The following SORT1 variants were observed in gnomAD, a reference collection of about 807,000 sequenced individuals.
SORT1 encodes the protein sortilin.
In SORT1, 39 loss-of-function variants were observed where a neutral mutation model predicts 101.7. The observed-to-expected ratio is 0.38, with a 90% CI of 0.30 to 0.50. The LOEUF is 0.50. SORT1 is among the 20% of genes least tolerant of loss of function. The pLI is 0.90. For missense variants in SORT1, 878 were observed against 1,040.4 expected (o/e 0.84, Z 2.15); for synonymous variants, 396 against 393.7 (o/e 1.01, Z -0.07).
intron 1 of SORT1, chr1:109,393,439 T>G: frequency 9.1e-6 from 3 of 330,454 alleles, no homozygotes; most frequent in Non-Finnish European, 1.3e-5. Context: ...ACCACAACTC[T>G]GGCCAAGGCA....
chr1:109,347,541 A>G lies in SORT1; in HGVS notation c.783-9T>C, dbSNP rs1161956232. On this transcript the variant is annotated splice_polypyrimidine_tract_variant and intron_variant, in intron 6 of 19. Coordinates refer to ENST00000256637, the MANE Select transcript of SORT1 (RefSeq NM_002959.7). Reference sequence around the variant, plus strand: ...TGGTGTTGTCTGATCCCCTACAATGAGGCAAAAACAGGGAAAAGAAATGGT... The same window carrying G: ...TGGTGTTGTCTGATCCCCTACAATGGGGCAAAAACAGGGAAAAGAAATGGT... 6.3e-7 allele frequency: 1 copy of G among 1,598,332 alleles called. No homozygotes were observed. Among genetic ancestry groups the G allele is most frequent in the South Asian group, 1.1e-5 (1 of 90,772 alleles).
intron 3 of SORT1, among the ~76,000 whole-genome samples, chr1:109,357,029 C>T (rs1180483904): frequency 1.3e-5 from 2 of 152,174 alleles, no homozygotes; most frequent in African/African-American, 4.8e-5. Flanking sequence ...GTTTTGGTTA[C>T]CAATGGACTG....
chr1:109,346,314 TA>T (rs56298313), intron 7 of SORT1, among the ~76,000 whole-genome samples: 7,819 of 86,610 alleles, frequency 0.09, 197 homozygotes, highest in Non-Finnish European at 0.1. Context: ...CTCCGTCTCA[TA>T]AAAAAAAAAA....
intron 15 of SORT1, among the ~76,000 whole-genome samples, chr1:109,318,459 C>T (rs1647395227): frequency 6.6e-6 from 1 of 151,888 alleles, no homozygotes; most frequent in South Asian, 2.1e-4. Flanking sequence ...CAGAGAGGGC[C>T]TTATTAAGGA....
intron 8 of SORT1, 117 bp downstream of exon 8, chr1:109,345,634 T>C: frequency 3.2e-6 from 3 of 945,732 alleles, no homozygotes; most frequent in Non-Finnish European, 4.8e-6. Flanking sequence ...ACACTCACAG[T>C]GGTACTAAAT....
rs1658793102 is a variant in SORT1 at position 109,312,552 on chromosome 1, A to C, written c.*1491T>G. On this transcript the variant is annotated 3_prime_UTR_variant, in exon 20 of 20. Coordinates refer to ENST00000256637, the MANE Select transcript of SORT1 (RefSeq NM_002959.7). ...AACACACAAAACTGACTTTCTAGCC[A>C]CAAAATAAACTAGTAGCAAATGGTA... 6.6e-6 allele frequency: 1 copy of C among 152,256 alleles called. No homozygotes were observed. The highest frequency in any genetic ancestry group is 1.5e-5 in the Non-Finnish European group (1 of 67,950). 9.4% of individuals were successfully genotyped at this position (152,256 alleles called of 1,614,324 possible).
intron 15 of SORT1, among the ~76,000 whole-genome samples, chr1:109,321,121 T>G (rs1647599058): frequency 6.6e-6 from 1 of 152,302 alleles, no homozygotes; most frequent in South Asian, 2.1e-4. Context: ...TCAATAAATG[T>G]TAGCTGCTAT....
intron 5 of SORT1, among the ~76,000 whole-genome samples, chr1:109,352,991 T>G (rs940230995): frequency 2.7e-5 from 4 of 150,780 alleles, no homozygotes; most frequent in African/African-American, 7.3e-5. Context: ...TGAAGCTTAC[T>G]CCCCAGCAAG....
At chr1:109,328,999 G>T (rs1648268943) in intron 11 of SORT1, among the ~76,000 whole-genome samples, 1 of 152,064 alleles carries the variant, frequency 6.6e-6, no homozygotes, top group Admixed American at 6.6e-5. Context: ...CACCCTAGTG[G>T]ATTCCACTGC....
intron 11 of SORT1, among the ~76,000 whole-genome samples, chr1:109,330,786 A>T (rs542865032): frequency 1.3e-5 from 2 of 152,262 alleles, no homozygotes; most frequent in South Asian, 4.1e-4. Context: ...GAGACATTAT[A>T]ACTTATACTA....
chr1:109,320,741 A>G (rs1482094351), intron 15 of SORT1, among the ~76,000 whole-genome samples: 1 of 152,118 alleles, frequency 6.6e-6, no homozygotes, highest in East Asian at 1.9e-4. Flanking sequence ...ATCACTTTTC[A>G]TTACCTGCGC....
Position 109,324,879 on chromosome 1 carries a change from A to AG in SORT1, c.1834+19dup, listed in dbSNP as rs1300045749. ...TGGACTTGGAAGTTTCTGGTAGAAA[A>AG]GGTCAAAGGAGACACTCACAGTTCC... On this transcript the variant is annotated intron_variant, in intron 14 of 19. Transcript: ENST00000256637. 2 of 1,498,532 alleles carry AG rather than the reference A, an allele frequency of 1.3e-6. No homozygotes were observed. The highest frequency in any genetic ancestry group is 4.1e-5 in the Admixed American group (2 of 49,082). The allele number at this position is 1,498,532 out of a possible 1,614,324, so 92.8% of individuals were successfully genotyped here. A position where few individuals can be genotyped will look rare whatever the true frequency, so the allele number is the denominator to read the frequency against.
chr1:109,360,150 C>T (rs960057225), intron 3 of SORT1, among the ~76,000 whole-genome samples: 1 of 152,114 alleles, frequency 6.6e-6, no homozygotes, highest in Non-Finnish European at 1.5e-5. Context: ...CCAAAGGCAA[C>T]ATAGTGAAAA....
chr1:109,342,044 T>C lies in SORT1; in HGVS notation c.1078A>G (p.Met360Val), dbSNP rs1310340319. Reference protein sequence around the residue: ...FYSILAANDDMVFMHVDEPGD... With the variant: ...FYSILAANDDVVFMHVDEPGD... The stretch of plus-strand genomic sequence containing the variant: ...GGTTCATCTACATGCATGAATACCA[T>C]GTCATCATTTGCTGCCAGAATAGAA... Residue 360 changes from methionine (M) to valine (V), a missense_variant, in exon 9 of 20, where the codon ATG becomes GTG. Physicochemically the swap from Met to Val is conservative, Grantham distance 21 (BLOSUM62 1). Transcript: ENST00000256637. 4 of 1,613,754 alleles carry C rather than the reference T, an allele frequency of 2.5e-6. No individual in the cohort carries two copies. Among genetic ancestry groups the C allele is most frequent in the Middle Eastern group, 1.7e-4 (1 of 5,856 alleles).
intron 3 of SORT1, among the ~76,000 whole-genome samples, chr1:109,361,268 T>C (rs1650704253): frequency 6.6e-6 from 1 of 152,242 alleles, no homozygotes; most frequent in Non-Finnish European, 1.5e-5. Flanking sequence ...CAAGTTCTAC[T>C]TTCCACAAAA....
chr1:109,350,102 G>A (rs771957506), intron 6 of SORT1, among the ~76,000 whole-genome samples: 12 of 152,006 alleles, frequency 7.9e-5, no homozygotes, highest in Admixed American at 1.3e-4. Flanking sequence ...ATGCTGTTAC[G>A]TGCTTATTGC....
At chr1:109,365,444 A>G (rs1202416205) in intron 3 of SORT1, among the ~76,000 whole-genome samples, 1 of 152,234 alleles carries the variant, frequency 6.6e-6, no homozygotes, top group Non-Finnish European at 1.5e-5. Context: ...GGAAAGAGTT[A>G]CTGAAGCAAA....
intron 3 of SORT1, among the ~76,000 whole-genome samples, chr1:109,358,243 G>C (rs556622945): frequency 1.3e-5 from 2 of 152,182 alleles, no homozygotes; most frequent in South Asian, 4.2e-4. Flanking sequence ...GGCCACTTTG[G>C]GCCCAGGGGT....
In SORT1 at chr1:109,324,516, CTG is replaced by C. The variant is rs1647858711; in HGVS notation, c.1834+381_1834+382del. 2.6e-5 allele frequency among the ~76,000 whole-genome samples: 4 copies of C among 152,284 alleles called. No homozygotes were observed. The South Asian group carries it at 6.2e-4, about 24-fold the overall frequency. On this transcript the variant is annotated intron_variant, in intron 14 of 19. Transcript: ENST00000256637. ...GTTTGCTTGTGACACTTTGGAAACA[CTG>C]TGCAATGAACATTGTGAATCCTTTT...
Sources: gnomAD v4.1 joint callset for allele counts (sites outside exome capture counted in the v4.1 genomes callset) on GRCh38, gnomAD v4.1.1 for gene constraint, MANE v1.5 for transcripts, NCBI Gene and HGNC (gene_info 2026-07-23, HGNC 2026-07-21) for gene names.